ADGRD1: variants seen among roughly 807,000 people sequenced by gnomAD.
The protein encoded by ADGRD1 is G-protein coupled receptor 133.
Under a neutral mutation model 113.4 loss-of-function variants are expected in ADGRD1, and 77 were observed. That is an observed-to-expected ratio of 0.68 (90% confidence interval 0.57 to 0.82). The LOEUF is 0.82. Ranked by LOEUF, ADGRD1 falls within the 40% of genes least tolerant of loss-of-function variation. The pLI, the probability that ADGRD1 is intolerant of heterozygous loss-of-function variation, is 0.00. For missense variants in ADGRD1, 1,036 were observed against 1,139.1 expected (o/e 0.91, Z 1.30); for synonymous variants, 474 against 475.0 (o/e 1.00, Z 0.03).
chr12:130,961,134 G>A (rs887011502), intron 2 of ADGRD1, among the ~76,000 whole-genome samples: 8 of 152,172 alleles, frequency 5.3e-5, no homozygotes, highest in African/African-American at 1.7e-4. Flanking sequence ...GAAACCAAGG[G>A]ATAAAGGTTT....
At chr12:131,033,508 G>T (rs572453953) in intron 13 of ADGRD1, among the ~76,000 whole-genome samples, 2 of 152,238 alleles carry the variant, frequency 1.3e-5, no homozygotes, top group African/African-American at 4.8e-5. Context: ...CCCCCTGAAC[G>T]CAGGGAATTC....
At chr12:131,028,604 G>C (rs1880251872) in intron 13 of ADGRD1, among the ~76,000 whole-genome samples, 1 of 152,152 alleles carries the variant, frequency 6.6e-6, no homozygotes, top group Non-Finnish European at 1.5e-5. Flanking sequence ...TTCTCTGCTT[G>C]TTTCTGTGTC....
chr12:130,977,486 C>T (rs1027809619), intron 4 of ADGRD1: 2 of 152,306 alleles, frequency 1.3e-5, no homozygotes, highest in African/African-American at 4.8e-5. Context: ...GGCTCTGAGT[C>T]TTGCGTGAAA....
At chr12:131,037,506 G>T (rs1263934743) in intron 13 of ADGRD1, among the ~76,000 whole-genome samples, 1 of 112,908 alleles carries the variant, frequency 8.9e-6, no homozygotes, top group Non-Finnish European at 1.8e-5. Context: ...CTTACTCATT[G>T]CACTGGGTCT....
intron 6 of ADGRD1, chr12:130,988,922 G>A: frequency 6.5e-6 from 1 of 153,146 alleles, no homozygotes; most frequent in Non-Finnish European, 1.5e-5. Context: ...CCCATCCCCA[G>A]CCCCCCTGAA....
At chr12:131,126,021 CTGTAGATACA>C (rs1206618737) in intron 20 of ADGRD1, among the ~76,000 whole-genome samples, 7 of 152,318 alleles carry the variant, frequency 4.6e-5, no homozygotes, top group African/African-American at 1.2e-4. Context: ...TAGGAACTGC[CTGTAGATACA>C]TGTAGATACT....
chr12:130,996,606 C>T (rs1485438382), intron 8 of ADGRD1, among the ~76,000 whole-genome samples: 5 of 112,632 alleles, frequency 4.4e-5, no homozygotes, highest in Admixed American at 8.1e-5. Flanking sequence ...TAGGGGCGGC[C>T]GGGCAGAGGC....
In ADGRD1 at chr12:131,004,664, C is replaced by A. The variant is rs572018643; in HGVS notation, c.1255+368C>A. Among the ~76,000 whole-genome samples, 4 of 152,294 alleles carry A rather than the reference C, an allele frequency of 2.6e-5. No homozygotes were observed. In the East Asian group the frequency reaches 5.8e-4, roughly 22 times the overall value. On this transcript the variant is annotated intron_variant, in intron 11 of 24. Coordinates refer to ENST00000261654, the MANE Select transcript of ADGRD1 (RefSeq NM_198827.5). ...ACCTACATCCTCCTAAATCGGCACACACCTGGTCAGCCGAAGATAAAAAGA... is the reference window on the plus strand; with the variant it reads ...ACCTACATCCTCCTAAATCGGCACAAACCTGGTCAGCCGAAGATAAAAAGA...
At chr12:131,130,008 A>G (rs1466947584) in intron 20 of ADGRD1, among the ~76,000 whole-genome samples, 1 of 152,262 alleles carries the variant, frequency 6.6e-6, no homozygotes. Context: ...CACATTAGTC[A>G]CGCGTTTGTC....
At chr12:130,957,083 A>G (rs1869692782) in intron 2 of ADGRD1, 1 of 152,348 alleles carries the variant, frequency 6.6e-6, no homozygotes, top group African/African-American at 2.4e-5. Flanking sequence ...GTGTCCACAC[A>G]ATTCACATGT....
chr12:131,077,324 A>G (rs182138040), intron 14 of ADGRD1, among the ~76,000 whole-genome samples: 50 of 152,120 alleles, frequency 3.3e-4, no homozygotes, highest in African/African-American at 1.2e-3. Context: ...CAGGCTGACC[A>G]TCAGGCCTGC....
In ADGRD1 at chr12:130,984,333, G is replaced by A. The variant is rs1428559954; in HGVS notation, c.490+2270G>A. ...GGGGCCACCTCGTGATGGGGCAGCC[G>A]CCCTTCCACGCACTGCAGTCAGCAC... On this transcript the variant is annotated intron_variant, in intron 5 of 24. Transcript: ENST00000261654. The surrounding 1 kb of genome is among the most constrained non-coding windows in gnomAD (Gnocchi z 4.1). Among the ~76,000 whole-genome samples, 1 of 152,152 alleles carries A rather than the reference G, an allele frequency of 6.6e-6. No individual in the cohort carries two copies. Among genetic ancestry groups the A allele is most frequent in the East Asian group, 1.9e-4 (1 of 5,194 alleles).
At chr12:131,082,091 A>G (rs573054566) in intron 14 of ADGRD1, among the ~76,000 whole-genome samples, 1 of 152,178 alleles carries the variant, frequency 6.6e-6, no homozygotes, top group Non-Finnish European at 1.5e-5. Flanking sequence ...AATAATTTAT[A>G]TATAATTTAT....
At chr12:131,052,413 G>A (rs1351656438) in intron 13 of ADGRD1, among the ~76,000 whole-genome samples, 2 of 152,158 alleles carry the variant, frequency 1.3e-5, no homozygotes, top group East Asian at 1.9e-4. Context: ...TCCCCAAAGC[G>A]AGCTCTTCTT....
intron 4 of ADGRD1, chr12:130,978,194 C>T (rs967738198): frequency 1.3e-5 from 2 of 152,194 alleles, no homozygotes; most frequent in Non-Finnish European, 2.9e-5. Flanking sequence ...ATTAACTTCT[C>T]ATCTAGTAAA....
chr12:130,987,104 G>C lies in ADGRD1; in HGVS notation c.500G>C (p.Trp167Ser), dbSNP rs752859279. The C allele has an allele frequency of 6.8e-6, 11 of 1,613,570 alleles. No homozygotes were observed. The highest frequency in any genetic ancestry group is 9.3e-6 in the Non-Finnish European group (11 of 1,179,666). Residue 167 changes from tryptophan to serine, a missense_variant, in exon 6 of 25, where the codon TGG (tryptophan) becomes TCG (serine). By Grantham distance (177) the Trp-to-Ser change is radical. Transcript: ENST00000261654. ...EASFSPPGPY[W>S]THVLFTWKSK... ...CTTCACTCTTTTCCAGGCCCCTATT[G>C]GACTCATGTCCTATTTACATGGAAA...
chr12:131,047,885 A>G (rs750659002), intron 13 of ADGRD1, among the ~76,000 whole-genome samples: 15 of 152,164 alleles, frequency 9.9e-5, no homozygotes, highest in Non-Finnish European at 2.2e-4. Flanking sequence ...AACATCTGAT[A>G]CTTGCAGAAC....
chr12:131,098,549 A>G (rs557408140), intron 15 of ADGRD1, among the ~76,000 whole-genome samples: 17 of 152,294 alleles, frequency 1.1e-4, no homozygotes, highest in African/African-American at 2.9e-4. Flanking sequence ...CTAGAAATCC[A>G]TCAGAAAGAG....
At chr12:131,020,760 C>G (rs1879227281) in intron 13 of ADGRD1, among the ~76,000 whole-genome samples, 1 of 152,244 alleles carries the variant, frequency 6.6e-6, no homozygotes. Context: ...CTGGGCACCT[C>G]CTCAAACTAG....
Sources: allele counts gnomAD v4.1 joint callset (sites outside exome capture counted in the v4.1 genomes callset), GRCh38; gene constraint gnomAD v4.1.1; non-coding constraint Gnocchi (gnomAD v3.1); transcripts MANE v1.5; gene names NCBI Gene and HGNC (gene_info 2026-07-23, HGNC 2026-07-21).